The following MYH2 variants were observed in gnomAD, a reference collection of about 807,000 sequenced individuals.
MYH2 encodes myosin-2.
In MYH2, 139 loss-of-function variants were observed where a neutral mutation model predicts 228.1. The observed-to-expected ratio is 0.61, with a 90% confidence interval of 0.53 to 0.70. The LOEUF is 0.70. Among genes scored for constraint, MYH2 ranks in the 30% least tolerant of loss-of-function variants. The pLI is 0.00. For synonymous variants in MYH2, 796 were observed against 871.1 expected (o/e 0.91, Z 1.52); for missense variants, 1,809 against 2,357.5 (o/e 0.77, Z 4.82).
At chr17:10,544,185 G>C in intron 5 of MYH2, 58 bp from the exon 6 acceptor site, 2 of 1,584,320 alleles carry the variant, frequency 1.3e-6, no homozygotes, top group Non-Finnish European at 1.7e-6. Flanking sequence ...TAAATGATAA[G>C]TAAAGTAAAA....
intron 30 of MYH2, 139 bp downstream of exon 30, chr17:10,526,460 C>G: frequency 7.2e-7 from 1 of 1,381,922 alleles, no homozygotes; most frequent in South Asian, 1.2e-5. Flanking sequence ...ATGTCTTATT[C>G]TCAGGGCCTG....
rs149276334 is a variant in MYH2 at position 10,528,192 on chromosome 17, C to T, written c.3745-318G>A. On this transcript the variant is annotated intron_variant, in intron 27 of 39. Coordinates refer to ENST00000245503, the MANE Select transcript of MYH2 (RefSeq NM_017534.6). ...CTGAATAGCTGGGACTGCAGGCGCG[C>T]GCCACCACACTTGGTTGACTTTTCT... Among the ~76,000 whole-genome samples the T allele has an allele frequency of 1.9e-3, 286 of 151,738 alleles. 1 individual carries two copies. The highest frequency in any genetic ancestry group is 6.6e-3 in the African/African-American group (272 of 41,400).
In MYH2 at chr17:10,537,201, C is replaced by T. The variant is rs1374298838; in HGVS notation, c.1897+32G>A. On this transcript the variant is annotated intron_variant, in intron 16 of 39. Coordinates refer to ENST00000245503, the MANE Select transcript of MYH2 (RefSeq NM_017534.6). This position sits in a 1 kb window ranked among gnomAD's most constrained non-coding sequence, Gnocchi z 4.0. ...CAATTTAACATCACATTTTGTAATA[C>T]CTAGAGAGTATTATTAACATTTGAG... The T allele has an allele frequency of 6.2e-7, 1 of 1,613,120 alleles. No homozygotes were observed. The highest frequency in any genetic ancestry group is 1.3e-5 in the African/African-American group (1 of 74,898).
chr17:10,534,970 A>G (rs1266802798), intron 19 of MYH2, 103 bp downstream of exon 19: 11 of 1,353,004 alleles, frequency 8.1e-6, no homozygotes, highest in Non-Finnish European at 1.2e-5. Flanking sequence ...TCTTTTTGTG[A>G]CAAAACTAAC....
At chr17:10,533,108 C>G (rs1567731853) in intron 21 of MYH2, among the ~76,000 whole-genome samples, 177 bp downstream of exon 21, 1 of 152,158 alleles carries the variant, frequency 6.6e-6, no homozygotes, top group African/African-American at 2.4e-5. Flanking sequence ...TTTACCCATG[C>G]AATCAGATGG....
chr17:10,542,730 TA>T, intron 10 of MYH2, 144 bp downstream of exon 10: 1 of 576,652 alleles, frequency 1.7e-6, no homozygotes, highest in Non-Finnish European at 3.0e-6. Flanking sequence ...TGAGCACATA[TA>T]AATTTTTACC....
chr17:10,544,751 G>T (rs532628578), intron 5 of MYH2, among the ~76,000 whole-genome samples: 4 of 152,186 alleles, frequency 2.6e-5, no homozygotes, highest in Non-Finnish European at 5.9e-5. Flanking sequence ...AAGTAGTTTA[G>T]ATTGGTCTAG....
intron 21 of MYH2, among the ~76,000 whole-genome samples, chr17:10,532,150 G>A (rs2073432516): frequency 6.6e-6 from 1 of 152,180 alleles, no homozygotes; most frequent in Non-Finnish European, 1.5e-5. Context: ...CACCTCCGTA[G>A]ATTCAGATTC....
rs2142299228 is a variant in MYH2, at chr17:10,529,044, T to G, written c.3390A>C (p.Ala1130=). 6.2e-7 allele frequency: 1 copy of G among 1,614,254 alleles called. No homozygotes were observed. The highest frequency in any genetic ancestry group is 2.2e-5 in the East Asian group (1 of 44,886). ...RIEELEEEIE[A]ERASRAKAEK... is the part of the protein sequence containing the mutation. ...CTGCTTTGGCCCGGGAGGCCCGCTC[T>G]GCCTCGATTTCCTCCTCCAGCTCCT... The change falls in exon 27 of 40, where the codon GCA becomes GCC. Residue 1130 remains alanine (A), a synonymous_variant. Coordinates refer to ENST00000245503, the MANE Select transcript of MYH2 (RefSeq NM_017534.6).
intron 2 of MYH2, among the ~76,000 whole-genome samples, chr17:10,548,272 G>A (rs2073660121): frequency 6.6e-6 from 1 of 152,176 alleles, no homozygotes; most frequent in Admixed American, 6.6e-5. Flanking sequence ...TTGAGCCTAA[G>A]TGACTCCATC....
At chr17:10,535,694 C>T (rs546111299) in intron 17 of MYH2, among the ~76,000 whole-genome samples, 2 of 152,280 alleles carry the variant, frequency 1.3e-5, no homozygotes, top group South Asian at 2.1e-4. Context: ...GCGAGATGAT[C>T]GCTCTTTCTT....
intron 5 of MYH2, among the ~76,000 whole-genome samples, chr17:10,544,430 G>C (rs2073599180): frequency 6.6e-6 from 1 of 152,202 alleles, no homozygotes; most frequent in Non-Finnish European, 1.5e-5. Context: ...TGACCACGTG[G>C]CTGTGTATTC....
At position 10,529,613 on chromosome 17, in the gene MYH2, A is replaced by C; in HGVS notation, c.3068T>G (p.Val1023Gly). Residue 1023 changes from valine (V) to glycine (G), a missense_variant, in exon 24 of 40, where the codon GTC becomes GGC. Around this residue, in one of 9 missense-constraint regions of MYH2, gnomAD observed 636 missense variants for 729.9 expected, o/e 0.87. Transcript: ENST00000245503. ...LDDLQAEEDK[V>G]NTLTKAKIKL... ...GATTTTAGCTTTGGTCAGGGTGTTG[A>C]CTTTGTCCTCCTCTGCCTGCAGGTC... 6.2e-7 allele frequency: 1 copy of C among 1,614,032 alleles called. No homozygotes were observed. Among genetic ancestry groups the C allele is most frequent in the Non-Finnish European group, 8.5e-7 (1 of 1,180,010 alleles).
chr17:10,522,646 T>C (rs1026806442), intron 39 of MYH2, among the ~76,000 whole-genome samples: 2 of 152,120 alleles, frequency 1.3e-5, no homozygotes, highest in African/African-American at 2.4e-5. Context: ...ATTAGCCTCC[T>C]AGCACAGCTT....
rs771570605 is a variant in MYH2, at chr17:10,539,176, A to G, written c.1416+29T>C. 4 of 1,613,878 alleles carry G rather than the reference A, an allele frequency of 2.5e-6. No homozygotes were observed. The Admixed American group carries it at 5.0e-5, about 20-fold the overall frequency. The stretch of plus-strand genomic sequence containing the variant: ...GATATTTCCATTGCCTTACTGTAAA[A>G]TCCTCTCACCAATCAGCTACAAACT... On this transcript the variant is annotated intron_variant, in intron 14 of 39. Transcript: ENST00000245503.
rs1241052383 is a variant in MYH2, at chr17:10,527,176, A to C, written c.3872-120T>G. On this transcript the variant is annotated intron_variant, in intron 28 of 39. Transcript: ENST00000245503. ...TTGAGTGCTCAGATGGTTGAATTCT[A>C]TACTGACATCTTCATGCTCAATGCA... The C allele has an allele frequency of 1.9e-5, 16 of 854,258 alleles. No homozygotes were observed. The East Asian group carries it at 3.7e-4, about 20-fold the overall frequency. The allele number at this position is 854,258 out of a possible 1,614,324, so 52.9% of individuals were successfully genotyped here.
At position 10,529,323 on chromosome 17, in the gene MYH2, CTT is replaced by C. The variant is rs774930059; in HGVS notation, c.3263+11_3263+12del. On this transcript the variant is annotated intron_variant, in intron 25 of 39. Coordinates refer to ENST00000245503, the MANE Select transcript of MYH2 (RefSeq NM_017534.6). The stretch of plus-strand genomic sequence containing the variant: ...GTTGGAAGCAAATCCATAAGCAATT[CTT>C]TCTTACTTACTTTTTGAGCTTTTCA... 1,566 of 1,613,764 alleles carry C rather than the reference CTT, an allele frequency of 9.7e-4. No homozygotes were observed. The highest frequency in any genetic ancestry group is 1.1e-3 in the Non-Finnish European group (1,346 of 1,180,010).
In MYH2 at chr17:10,528,769, T is replaced by G; in HGVS notation, c.3665A>C (p.Lys1222Thr). The change falls in exon 27 of 40, where the codon AAG becomes ACG. Residue 1222 changes from lysine to threonine, a missense_variant. Around this residue, in one of 9 missense-constraint regions of MYH2, gnomAD observed 636 missense variants for 729.9 expected, o/e 0.87. Coordinates refer to ENST00000245503, the MANE Select transcript of MYH2 (RefSeq NM_017534.6). The part of the protein sequence containing the change: ...QIDNLQRVKQ[K>T]LEKEKSEMKM... ...CATCTCACTCTTCTCCTTCTCCAGC[T>G]TCTGCTTCACTCGCTGCAGGTTGTC... 6.2e-7 allele frequency: 1 copy of G among 1,614,150 alleles called. No individual in the cohort carries two copies. The highest frequency in any genetic ancestry group is 8.5e-7 in the Non-Finnish European group (1 of 1,179,988).
intron 5 of MYH2, among the ~76,000 whole-genome samples, chr17:10,545,037 A>T (rs1004628784): frequency 1.2e-5 from 1 of 83,160 alleles, no homozygotes; most frequent in Non-Finnish European, 2.6e-5. Context: ...GTGTGTATAT[A>T]TACATACACA....
Sources: gnomAD v4.1 joint callset for allele counts (sites outside exome capture counted in the v4.1 genomes callset) on GRCh38, gnomAD v4.1.1 for gene constraint, gnomAD v4.1.1 regional missense constraint, Gnocchi (gnomAD v3.1) non-coding constraint, MANE v1.5 for transcripts, NCBI Gene and HGNC (gene_info 2026-07-23, HGNC 2026-07-21) for gene names.